CACNA1C: variants seen among roughly 807,000 people sequenced by gnomAD.
CACNA1C encodes the protein calcium voltage-gated channel subunit alpha1 C.
CACNA1C carries 30 observed loss-of-function variants against 229.0 expected under a neutral mutation model. The ratio of observed to expected loss-of-function variants is 0.13; its 90% CI spans 0.10 to 0.18. CACNA1C has a LOEUF of 0.18. CACNA1C is among the 10% of genes least tolerant of loss of function. CACNA1C has a pLI of 1.00. For synonymous variants in CACNA1C, 1,114 were observed against 1,132.5 expected (o/e 0.98, Z 0.33); for missense variants, 1,658 against 2,845.0 (o/e 0.58, Z 9.49).
intron 34 of CACNA1C, among the ~76,000 whole-genome samples, chr12:2,662,993 A>C (rs2095844656): frequency 6.6e-6 from 1 of 152,246 alleles, no homozygotes; most frequent in South Asian, 2.1e-4. Context: ...ATTTCAGGTC[A>C]ATAAGTTATT....
At chr12:2,612,763 C>G (rs558373700) in intron 29 of CACNA1C, 1 of 152,356 alleles carries the variant, frequency 6.6e-6, no homozygotes, top group South Asian at 2.1e-4. Context: ...ATGAGCCACA[C>G]CTTCCACCCT....
intron 26 of CACNA1C, 81 bp downstream of exon 26, chr12:2,607,211 T>C: frequency 1.4e-6 from 2 of 1,438,602 alleles, no homozygotes; most frequent in Non-Finnish European, 1.9e-6. Flanking sequence ...CAAGTTTTGT[T>C]AATGTCCCGC....
At chr12:2,242,963 C>T (rs909139468) in intron 3 of CACNA1C, among the ~76,000 whole-genome samples, 1 of 152,182 alleles carries the variant, frequency 6.6e-6, no homozygotes, top group Non-Finnish European at 1.5e-5. Flanking sequence ...GACTTACCCA[C>T]GATCATAGGG....
At chr12:2,436,408 G>A (rs1169164621) in intron 3 of CACNA1C, among the ~76,000 whole-genome samples, 2 of 152,188 alleles carry the variant, frequency 1.3e-5, no homozygotes, top group Non-Finnish European at 2.9e-5. Flanking sequence ...TCTAAGAGCT[G>A]TAACGTTACT....
intron 3 of CACNA1C, among the ~76,000 whole-genome samples, chr12:2,234,740 A>G (rs1234290408): frequency 6.6e-6 from 1 of 152,052 alleles, no homozygotes; most frequent in African/African-American, 2.4e-5. Flanking sequence ...TAATGCAGTG[A>G]TCTGCCCTTG....
intron 1 of CACNA1C, among the ~76,000 whole-genome samples, chr12:2,014,172 A>ATGTTTATAATACATAT (rs2044917454): frequency 4.6e-5 from 7 of 152,170 alleles, no homozygotes; most frequent in Non-Finnish European, 8.8e-5. Context: ...GTGTATTTAT[A>ATGTTTATAATACATAT]AACAACCCCA....
chr12:1,982,064 G>A (rs988741469), intron 1 of CACNA1C, among the ~76,000 whole-genome samples: 1 of 152,148 alleles, frequency 6.6e-6, no homozygotes, highest in Non-Finnish European at 1.5e-5. Flanking sequence ...TTTTGAGAAG[G>A]AAAGCAAATT....
intron 9 of CACNA1C, among the ~76,000 whole-genome samples, chr12:2,522,902 C>T (rs1182650971): frequency 2.6e-5 from 4 of 152,162 alleles, no homozygotes; most frequent in Non-Finnish European, 5.9e-5. Context: ...AACGTATTCA[C>T]ATTGTTCAGC....
chr12:2,383,535 T>C (rs2098306073), intron 3 of CACNA1C, among the ~76,000 whole-genome samples: 2 of 152,118 alleles, frequency 1.3e-5, no homozygotes, highest in Admixed American at 6.5e-5. Flanking sequence ...AAAGCCTGAA[T>C]TCCCAGACAG....
rs187608594 is a variant in CACNA1C at position 2,576,705 on chromosome 12, G to A, written c.1896-4885G>A. ...TGCGAGCCATCAGACCACATTAAGA[G>A]GAGGGAGTGTGAGGACCTGCAGGAC... is the stretch of plus-strand genomic sequence containing the variant. On this transcript the variant is annotated intron_variant, in intron 13 of 46. Coordinates refer to ENST00000399655, the MANE Select transcript of CACNA1C (RefSeq NM_000719.7). Among the ~76,000 whole-genome samples the A allele has an allele frequency of 8.6e-5, 13 of 151,754 alleles. No homozygotes were observed. In the East Asian group the frequency reaches 2.3e-3, roughly 27 times the overall value.
intron 3 of CACNA1C, among the ~76,000 whole-genome samples, chr12:2,226,821 C>T (rs1433301452): frequency 2.0e-5 from 3 of 152,200 alleles, no homozygotes; most frequent in East Asian, 3.8e-4. Flanking sequence ...AGTATTCTTT[C>T]GGCAGGAGAA....
chr12:2,249,983 T>C (rs1394964331), intron 3 of CACNA1C, among the ~76,000 whole-genome samples: 1 of 152,166 alleles, frequency 6.6e-6, no homozygotes, highest in Non-Finnish European at 1.5e-5. Flanking sequence ...TAATTTTTTG[T>C]ATTTTCAGTG....
intron 1 of CACNA1C, among the ~76,000 whole-genome samples, chr12:2,003,543 G>GT (rs1340412576): frequency 6.6e-6 from 1 of 152,176 alleles, no homozygotes; most frequent in African/African-American, 2.4e-5. Flanking sequence ...GGATTCCAGT[G>GT]TTCTAGGCTT....
intron 3 of CACNA1C, among the ~76,000 whole-genome samples, chr12:2,331,837 G>T (rs568141966): frequency 1.0e-4 from 15 of 149,378 alleles, no homozygotes; most frequent in Admixed American, 3.3e-4. Context: ...TTTTAAAAAG[G>T]TCATGGTCAT....
intron 7 of CACNA1C, among the ~76,000 whole-genome samples, chr12:2,494,572 G>A (rs1292464255): frequency 6.6e-6 from 1 of 152,218 alleles, no homozygotes; most frequent in African/African-American, 2.4e-5. Flanking sequence ...ACAAACCAAA[G>A]CAGGGAAGAG....
At chr12:2,475,315 G>A (rs1234346175) in intron 5 of CACNA1C, among the ~76,000 whole-genome samples, 1 of 151,578 alleles carries the variant, frequency 6.6e-6, no homozygotes, top group Non-Finnish European at 1.5e-5. Flanking sequence ...AAAAAGAAAA[G>A]AAAAGAAAAG....
At chr12:2,028,076 A>G (rs552740300) in intron 1 of CACNA1C, among the ~76,000 whole-genome samples, 35 of 152,354 alleles carry the variant, frequency 2.3e-4, no homozygotes, top group African/African-American at 7.9e-4. Flanking sequence ...TTTTGAGCAA[A>G]GTGAGCAGAA....
At chr12:2,463,002 T>C (rs1300011935) in intron 5 of CACNA1C, among the ~76,000 whole-genome samples, 4 of 143,176 alleles carry the variant, frequency 2.8e-5, no homozygotes, top group African/African-American at 1.0e-4. Flanking sequence ...AAGCTCCGCC[T>C]CCTGGGTTCA....
chr12:2,014,520 C>T (rs2044999471), intron 1 of CACNA1C, among the ~76,000 whole-genome samples: 1 of 152,154 alleles, frequency 6.6e-6, no homozygotes, highest in Admixed American at 6.5e-5. Flanking sequence ...AGGCACATTC[C>T]CTGCCTTCCT....
Sources: gnomAD v4.1 joint callset for allele counts (sites outside exome capture counted in the v4.1 genomes callset) on GRCh38, gnomAD v4.1.1 for gene constraint, MANE v1.5 for transcripts, NCBI Gene and HGNC (gene_info 2026-07-23, HGNC 2026-07-21) for gene names.